EYS: variants seen among roughly 807,000 people sequenced by gnomAD.
EYS encodes the protein protein eyes shut homolog.
In EYS, 250 loss-of-function variants were observed where a neutral mutation model predicts 282.1. That is an observed-to-expected ratio of 0.89 (90% CI 0.80 to 0.98). The LOEUF (loss-of-function observed/expected upper bound fraction) is 0.98. Ranked by LOEUF, EYS falls within the 50% of genes least tolerant of loss-of-function variation. The pLI is 0.00. For missense variants in EYS, 4,016 were observed against 3,709.0 expected, an observed-to-expected ratio of 1.08 and a Z score of -2.15; for synonymous variants, 1,355 against 1,282.9, an observed-to-expected ratio of 1.06 and a Z score of -1.20.
In EYS at chr6:64,986,823, C is replaced by G. The variant is rs114771355; in HGVS notation, c.2259+10759G>C. 6.9e-3 allele frequency among the ~76,000 whole-genome samples: 1,015 copies of G among 146,564 alleles called. 4 individuals carry two copies. Among genetic ancestry groups the G allele is most frequent in the Middle Eastern group, 0.021 (6 of 282 alleles). Reference sequence around the variant, plus strand: ...ATATATATATATATATAACTCAGACCAAAAATTCTAGTGTAGTTGTTCTGT... The same window carrying G: ...ATATATATATATATATAACTCAGACGAAAAATTCTAGTGTAGTTGTTCTGT... On this transcript the variant is annotated intron_variant, in intron 14 of 42. Coordinates refer to ENST00000503581, the MANE Select transcript of EYS (RefSeq NM_001142800.2).
At chr6:65,048,149 C>T (rs9453163) in intron 13 of EYS, among the ~76,000 whole-genome samples, 200 of 151,974 alleles carry the variant, frequency 1.3e-3, no homozygotes, top group African/African-American at 4.7e-3. Context: ...TTTTGATAAA[C>T]AAATCTTGCT....
chr6:65,126,982 T>C (rs1179387755), intron 12 of EYS, among the ~76,000 whole-genome samples: 1 of 152,038 alleles, frequency 6.6e-6, no homozygotes, highest in Non-Finnish European at 1.5e-5. Context: ...AGAACCCTGA[T>C]CAGAGGCTAT....
chr6:64,315,586 A>T (rs1483373218), intron 29 of EYS, among the ~76,000 whole-genome samples: 1 of 151,624 alleles, frequency 6.6e-6, no homozygotes, highest in Non-Finnish European at 1.5e-5. Context: ...AGTCAGCTTC[A>T]TCCCTGGGAT....
chr6:65,118,208 A>T (rs1775433872), intron 12 of EYS, among the ~76,000 whole-genome samples: 1 of 152,158 alleles, frequency 6.6e-6, no homozygotes. Context: ...ATTCTAGTGA[A>T]ACTGAAGTGT....
intron 4 of EYS, among the ~76,000 whole-genome samples, 189 bp from the exon 5 acceptor site, chr6:65,490,896 T>A (rs1049773872): frequency 6.6e-6 from 1 of 152,142 alleles, no homozygotes; most frequent in Non-Finnish European, 1.5e-5. Context: ...AAGTTTTTCA[T>A]CTTCTGACCC....
chr6:65,289,457 A>T (rs1334569523), intron 12 of EYS, among the ~76,000 whole-genome samples: 1 of 151,096 alleles, frequency 6.6e-6, no homozygotes, highest in Non-Finnish European at 1.5e-5. Flanking sequence ...TTTCTTGAGG[A>T]CTACTCCCAA....
chr6:65,694,629 A>C, intron 1 of EYS, among the ~76,000 whole-genome samples: 1 of 147,024 alleles, frequency 6.8e-6, no homozygotes, highest in South Asian at 2.1e-4. Flanking sequence ...AGCCTGCCTG[A>C]CTTGGAATCC....
intron 1 of EYS, among the ~76,000 whole-genome samples, chr6:65,695,366 T>C (rs146992047): frequency 6.6e-6 from 1 of 152,140 alleles, no homozygotes; most frequent in Non-Finnish European, 1.5e-5. Flanking sequence ...AGAAGGTATA[T>C]GGCTAGTGAA....
intron 36 of EYS, among the ~76,000 whole-genome samples, chr6:63,827,433 T>C (rs1391953730): frequency 1.3e-5 from 2 of 152,182 alleles, no homozygotes; most frequent in Non-Finnish European, 2.9e-5. Context: ...AACAGATATA[T>C]ACAGAACATT....
intron 5 of EYS, among the ~76,000 whole-genome samples, chr6:65,416,431 C>T (rs1465906066): frequency 2.6e-5 from 4 of 151,828 alleles, no homozygotes; most frequent in African/African-American, 4.8e-5. Context: ...CACACATGTA[C>T]AAACATACAG....
chr6:64,557,293 T>C (rs1765264392), intron 26 of EYS, among the ~76,000 whole-genome samples: 1 of 151,786 alleles, frequency 6.6e-6, no homozygotes, highest in Admixed American at 6.6e-5. Context: ...AGGATGAGTT[T>C]AGGAAAGCTT....
intron 8 of EYS, among the ~76,000 whole-genome samples, chr6:65,356,194 G>A (rs1001664633): frequency 3.3e-5 from 5 of 151,946 alleles, no homozygotes; most frequent in African/African-American, 1.2e-4. Flanking sequence ...CATGTCTTCT[G>A]CGGCAAAAAA....
chr6:64,764,100 G>T (rs1773248518), intron 22 of EYS, among the ~76,000 whole-genome samples: 1 of 152,202 alleles, frequency 6.6e-6, no homozygotes, highest in Non-Finnish European at 1.5e-5. Context: ...ATTCTGGGGT[G>T]AGGAGGATGG....
intron 16 of EYS, 55 bp downstream of exon 16, chr6:64,912,429 A>C: frequency 6.7e-7 from 1 of 1,500,468 alleles, no homozygotes; most frequent in Non-Finnish European, 9.1e-7. Flanking sequence ...CACAATAAAT[A>C]CACAAACTAA....
chr6:65,639,471 C>A (rs527544504), intron 2 of EYS, among the ~76,000 whole-genome samples: 2 of 152,018 alleles, frequency 1.3e-5, no homozygotes, highest in Admixed American at 6.6e-5. Flanking sequence ...TTAAATGCAT[C>A]TCTTTCTCTT....
In EYS at chr6:65,005,686, G is replaced by A. The variant is rs369887817; in HGVS notation, c.2138-7983C>T. On this transcript the variant is annotated intron_variant, in intron 13 of 42. Transcript: ENST00000503581. ...GGGGAAGGGCTTTCTAACAACCCCCGACCCTTCTATTGGGGATGTTGATCT... is the reference window on the plus strand; with the variant it reads ...GGGGAAGGGCTTTCTAACAACCCCCAACCCTTCTATTGGGGATGTTGATCT... Among the ~76,000 whole-genome samples the A allele has an allele frequency of 1.6e-4, 23 of 147,510 alleles. 2 individuals carry two copies. The highest frequency in any genetic ancestry group is 4.6e-4 in the African/African-American group (19 of 41,282).
At chr6:65,135,713 G>A (rs904838608) in intron 12 of EYS, among the ~76,000 whole-genome samples, 1 of 151,434 alleles carries the variant, frequency 6.6e-6, no homozygotes, top group South Asian at 2.1e-4. Flanking sequence ...TGGTATTTTG[G>A]CACTAACTGT....
intron 29 of EYS, among the ~76,000 whole-genome samples, chr6:64,310,150 C>A (rs911687221): frequency 7.3e-5 from 11 of 151,622 alleles, no homozygotes. Flanking sequence ...GTAAATTAGT[C>A]CAGCCATCGT....
Position 64,212,192 on chromosome 6 carries a change from A to G in EYS, c.6424+18400T>C, listed in dbSNP as rs182185287. Among the ~76,000 whole-genome samples, 946 of 152,216 alleles carry G rather than the reference A, an allele frequency of 6.2e-3. 8 individuals carry two copies. Among genetic ancestry groups the G allele is most frequent in the African/African-American group, 0.022 (905 of 41,532 alleles). On this transcript the variant is annotated intron_variant, in intron 31 of 42. Transcript: ENST00000503581. ...ATATTGAGTTAAATTGTCACTGTGT[A>G]ATTTCTAATAATCTCATCTAGAGAG...
Sources: allele counts gnomAD v4.1 joint callset (sites outside exome capture counted in the v4.1 genomes callset), GRCh38; gene constraint gnomAD v4.1.1; transcripts MANE v1.5; gene names NCBI Gene and HGNC (gene_info 2026-07-23, HGNC 2026-07-21).